Variants in PCDHGB1 observed in about 807,000 individuals in gnomAD.
The protein encoded by PCDHGB1 is protocadherin gamma-B1.
PCDHGB1 carries 34 observed loss-of-function variants against 56.6 expected under a neutral mutation model. That is an observed-to-expected ratio of 0.60 (90% CI 0.46 to 0.80). The LOEUF (loss-of-function observed/expected upper bound fraction) is 0.80, where lower values mean the gene tolerates loss of function less well. PCDHGB1 is among the 30% of genes least tolerant of loss of function. PCDHGB1 has a pLI of 0.00. For synonymous variants in PCDHGB1, 561 were observed against 505.9 expected (o/e 1.11, Z -1.46); for missense variants, 1,278 against 1,204.6 (o/e 1.06, Z -0.90).
intron 1 of PCDHGB1, chr5:141,384,712 T>C (rs1479257673): frequency 6.2e-7 from 1 of 1,614,074 alleles, no homozygotes; most frequent in Admixed American, 1.7e-5. Flanking sequence ...CGCCTGGCTG[T>C]CATACCTCCT....
intron 1 of PCDHGB1, among the ~76,000 whole-genome samples, chr5:141,473,858 C>T (rs569473917): frequency 6.6e-6 from 1 of 152,168 alleles, no homozygotes; most frequent in Non-Finnish European, 1.5e-5. Flanking sequence ...ATGAACCTCG[C>T]TATTGTGGAG....
chr5:141,407,317 T>G (rs1268885358), intron 1 of PCDHGB1, among the ~76,000 whole-genome samples: 1 of 152,198 alleles, frequency 6.6e-6, no homozygotes, highest in Non-Finnish European at 1.5e-5. Flanking sequence ...TCATACTTAG[T>G]ATTTATAAAT....
At chr5:141,498,967 GGGAGGGAAGGAA>G (rs1374222518) in intron 2 of PCDHGB1, among the ~76,000 whole-genome samples, 13 of 129,674 alleles carry the variant, frequency 1.0e-4, no homozygotes, top group South Asian at 5.5e-4. Context: ...GAGGGAGGGA[GGGAGGGAAGGAA>G]GGAAGGAAGG....
chr5:141,505,342 T>C (rs2099845433), intron 2 of PCDHGB1, 51 bp from the exon 3 acceptor site: 1 of 1,612,738 alleles, frequency 6.2e-7, no homozygotes, highest in African/African-American at 1.3e-5. Flanking sequence ...AGGAGGGGCA[T>C]GAGCTGTGCC....
At chr5:141,391,397 C>T (rs1341257748) in intron 1 of PCDHGB1, 1 of 151,598 alleles carries the variant, frequency 6.6e-6, no homozygotes, top group African/African-American at 2.4e-5. Flanking sequence ...CCTCCAGCCT[C>T]AAACTCCTGG....
intron 1 of PCDHGB1, among the ~76,000 whole-genome samples, chr5:141,406,446 CTA>C: frequency 6.6e-6 from 1 of 152,200 alleles, no homozygotes; most frequent in Non-Finnish European, 1.5e-5. Context: ...TCTTCCATTT[CTA>C]TGACAGGAAA....
At chr5:141,418,908 C>A in intron 1 of PCDHGB1, 1 of 1,613,932 alleles carries the variant, frequency 6.2e-7, no homozygotes, top group South Asian at 1.1e-5. Flanking sequence ...ATAATCATCA[C>A]GTCACTCTCT....
At chr5:141,358,377 A>G (rs988278007) in intron 1 of PCDHGB1, among the ~76,000 whole-genome samples, 1 of 152,136 alleles carries the variant, frequency 6.6e-6, no homozygotes, top group African/African-American at 2.4e-5. Context: ...TTCACACTCT[A>G]CCATGCTTTG....
At chr5:141,423,558 G>A (rs770532900) in intron 1 of PCDHGB1, 1 of 1,613,462 alleles carries the variant, frequency 6.2e-7, no homozygotes, top group African/African-American at 1.3e-5. Flanking sequence ...CCAACTATGG[G>A]GACACGCTCA....
Position 141,360,032 on chromosome 5 carries a change from T to A in PCDHGB1, c.2409+7363T>A, listed in dbSNP as rs112657435. 771 of 1,390,572 alleles carry A rather than the reference T, an allele frequency of 5.5e-4. 6 individuals are homozygous for A. In the East Asian group the frequency reaches 0.015, roughly 27 times the overall value. The allele number at this position is 1,390,572 out of a possible 1,614,324, so 86.1% of individuals were successfully genotyped here. A position where few individuals can be genotyped will look rare whatever the true frequency, so the allele number is the denominator to read the frequency against. The stretch of plus-strand genomic sequence containing the variant: ...CCACACAGAGAAGGCCAGTATAGAT[T>A]CGGAAACAGAAAACAAAAGCAGGAA... On this transcript the variant is annotated intron_variant, in intron 1 of 3. Transcript: ENST00000523390.
chr5:141,456,824 G>A (rs2098890304), intron 1 of PCDHGB1, among the ~76,000 whole-genome samples: 2 of 152,170 alleles, frequency 1.3e-5, no homozygotes, highest in South Asian at 2.1e-4. Context: ...ATTAGCCATC[G>A]TGGTAGTGGG....
intron 1 of PCDHGB1, chr5:141,376,614 T>C: frequency 6.9e-7 from 1 of 1,446,670 alleles, no homozygotes; most frequent in African/African-American, 1.4e-5. Flanking sequence ...CGAACCTCTT[T>C]TGGTACAGGA....
intron 1 of PCDHGB1, chr5:141,405,066 T>G: frequency 1.2e-6 from 2 of 1,613,866 alleles, no homozygotes; most frequent in South Asian, 2.2e-5. Context: ...TGTGTCTTCC[T>G]CACCTTCGTT....
At chr5:141,414,489 G>C (rs754325517) in intron 1 of PCDHGB1, 2 of 1,613,872 alleles carry the variant, frequency 1.2e-6, no homozygotes, top group South Asian at 2.2e-5. Context: ...CTCTATCAAC[G>C]GAAGCTCACT....
In PCDHGB1 at chr5:141,352,436, G is replaced by A. The variant is rs1187480679; in HGVS notation, c.2176G>A (p.Gly726Ser). The change falls in exon 1 of 4, where the codon GGT becomes AGT. Residue 726 changes from glycine (G) to serine (S), a missense_variant. Transcript: ENST00000523390. ...SLDTEGCFQT[G>S]LCSKSGPGVP... ...CGACACTGAGGGCTGCTTTCAAACCGGTCTCTGCTCCAAGTCTGGGCCCGG... is the reference window on the plus strand; with the variant it reads ...CGACACTGAGGGCTGCTTTCAAACCAGTCTCTGCTCCAAGTCTGGGCCCGG... The A allele has an allele frequency of 3.1e-6, 5 of 1,613,880 alleles. No individual in the cohort carries two copies. Among genetic ancestry groups the A allele is most frequent in the Admixed American group, 1.7e-5 (1 of 60,008 alleles).
At chr5:141,492,312 C>T (rs1470136040) in intron 1 of PCDHGB1, among the ~76,000 whole-genome samples, 2 of 152,348 alleles carry the variant, frequency 1.3e-5, no homozygotes, top group African/African-American at 4.8e-5. Flanking sequence ...CGCACGCACT[C>T]CTCGCACGTG....
chr5:141,486,823 A>G lies in PCDHGB1; in HGVS notation c.2410-7984A>G, dbSNP rs778308736. On this transcript the variant is annotated intron_variant, in intron 1 of 3. Coordinates refer to ENST00000523390, the MANE Select transcript of PCDHGB1 (RefSeq NM_018922.3). The surrounding 1 kb of genome is among the most constrained non-coding windows in gnomAD (Gnocchi z 5.0). Reference sequence around the variant, plus strand: ...ACCCACCCCTTAGCAGCACTGTAACAGTTCGTCTATTTGTGCTGGACCTCA... The same window carrying G: ...ACCCACCCCTTAGCAGCACTGTAACGGTTCGTCTATTTGTGCTGGACCTCA... 1.2e-6 allele frequency: 2 copies of G among 1,614,104 alleles called. No individual in the cohort carries two copies. Among genetic ancestry groups the G allele is most frequent in the Admixed American group, 1.7e-5 (1 of 60,008 alleles).
intron 1 of PCDHGB1, chr5:141,428,912 T>C (rs1010303812): frequency 6.6e-6 from 1 of 151,946 alleles, no homozygotes; most frequent in Non-Finnish European, 1.5e-5. Context: ...TGGAGTGCAG[T>C]GGCATGATCT....
chr5:141,400,321 G>A lies in PCDHGB1; in HGVS notation c.2409+47652G>A, dbSNP rs190006023. On this transcript the variant is annotated intron_variant, in intron 1 of 3. Coordinates refer to ENST00000523390, the MANE Select transcript of PCDHGB1 (RefSeq NM_018922.3). ...CCAACCTGGTCTCTGTGTCAAGTCTGGACCTGTGGTTCCCCCCAACTACAG... is the reference window on the plus strand; with the variant it reads ...CCAACCTGGTCTCTGTGTCAAGTCTAGACCTGTGGTTCCCCCCAACTACAG... The A allele has an allele frequency of 9.3e-6, 15 of 1,614,064 alleles. No homozygotes were observed. In the Admixed American group the frequency reaches 2.5e-4, roughly 27 times the overall value.
Sources: allele counts gnomAD v4.1 joint callset (sites outside exome capture counted in the v4.1 genomes callset), GRCh38; gene constraint gnomAD v4.1.1; non-coding constraint Gnocchi (gnomAD v3.1); transcripts MANE v1.5; gene names NCBI Gene and HGNC (gene_info 2026-07-23, HGNC 2026-07-21).